DLGAP1: variants seen among roughly 807,000 people sequenced by gnomAD.
DLGAP1 encodes the protein DLG associated protein 1.
In DLGAP1, 11 loss-of-function variants were observed where a neutral mutation model predicts 90.8. That is an observed-to-expected ratio of 0.12 (90% CI 0.08 to 0.20). The LOEUF (loss-of-function observed/expected upper bound fraction) is 0.20. Among genes scored for constraint, DLGAP1 ranks in the 10% least tolerant of loss-of-function variants. The pLI is 1.00. For synonymous variants in DLGAP1, 558 were observed against 540.7 expected (o/e 1.03, Z -0.44); for missense variants, 1,050 against 1,333.8 (o/e 0.79, Z 3.31).
intron 10 of DLGAP1, among the ~76,000 whole-genome samples, chr18:3,532,332 C>T (rs971277773): frequency 1.3e-5 from 2 of 151,974 alleles, no homozygotes; most frequent in Admixed American, 6.6e-5. Context: ...GTAATCCCAG[C>T]ACTTTGGGAG....
chr18:3,741,222 T>C (rs1351711794), intron 6 of DLGAP1, among the ~76,000 whole-genome samples: 2 of 51,946 alleles, frequency 3.9e-5, no homozygotes, highest in Admixed American at 2.7e-4. Context: ...CACCACCACA[T>C]CACCATCACC....
intron 1 of DLGAP1, among the ~76,000 whole-genome samples, chr18:4,420,905 C>T (rs1055889135): frequency 6.6e-6 from 1 of 152,032 alleles, no homozygotes; most frequent in Non-Finnish European, 1.5e-5. Flanking sequence ...GATAAGGTAC[C>T]CTTAGTATCT....
At chr18:4,077,539 T>C (rs865953387) in intron 2 of DLGAP1, among the ~76,000 whole-genome samples, 11 of 152,116 alleles carry the variant, frequency 7.2e-5, no homozygotes, top group South Asian at 2.1e-4. Context: ...ACTCTATTAG[T>C]TCCTATAAGA....
intron 7 of DLGAP1, among the ~76,000 whole-genome samples, chr18:3,665,917 G>A (rs2059861474): frequency 6.6e-6 from 1 of 152,194 alleles, no homozygotes; most frequent in African/African-American, 2.4e-5. Context: ...AGATGTAGGG[G>A]CACCTTTGAT....
intron 3 of DLGAP1, among the ~76,000 whole-genome samples, chr18:3,991,208 T>A (rs2073961103): frequency 6.6e-6 from 1 of 152,166 alleles, no homozygotes; most frequent in Non-Finnish European, 1.5e-5. Flanking sequence ...TCATTTCCTG[T>A]ATCTCTAAAG....
intron 3 of DLGAP1, among the ~76,000 whole-genome samples, chr18:3,949,975 T>C (rs747668866): frequency 6.6e-6 from 1 of 152,166 alleles, no homozygotes; most frequent in Non-Finnish European, 1.5e-5. Flanking sequence ...AGGAAAAACA[T>C]TAGAATAGAT....
chr18:4,298,231 G>A (rs1156243007), intron 1 of DLGAP1, among the ~76,000 whole-genome samples: 9 of 152,010 alleles, frequency 5.9e-5, no homozygotes, highest in East Asian at 1.9e-4. Flanking sequence ...TGCATCCCCC[G>A]CGAATACTGC....
chr18:4,145,114 T>A (rs1225212094), intron 2 of DLGAP1, among the ~76,000 whole-genome samples: 1 of 152,186 alleles, frequency 6.6e-6, no homozygotes, highest in Admixed American at 6.5e-5. Context: ...CAATTAACAA[T>A]ATCACCACCC....
At chr18:4,071,766 C>A (rs1306927982) in intron 2 of DLGAP1, among the ~76,000 whole-genome samples, 1 of 152,180 alleles carries the variant, frequency 6.6e-6, no homozygotes, top group Non-Finnish European at 1.5e-5. Flanking sequence ...GTGGAAGAGA[C>A]AATGAGAGCC....
At chr18:4,321,561 C>G (rs145139324) in intron 1 of DLGAP1, among the ~76,000 whole-genome samples, 1 of 152,182 alleles carries the variant, frequency 6.6e-6, no homozygotes, top group Non-Finnish European at 1.5e-5. Context: ...TCCAACTATA[C>G]AGACAGCAAT....
chr18:3,625,709 A>C (rs1318022018), intron 7 of DLGAP1, among the ~76,000 whole-genome samples: 9 of 146,662 alleles, frequency 6.1e-5, no homozygotes, highest in Non-Finnish European at 1.5e-5. Flanking sequence ...ACATCATGTT[A>C]GTTCAGAAAG....
intron 5 of DLGAP1, among the ~76,000 whole-genome samples, chr18:3,754,075 A>T (rs748069572): frequency 6.6e-5 from 10 of 152,196 alleles, no homozygotes; most frequent in South Asian, 2.1e-4. Context: ...ATCATGGCTC[A>T]CTGCAGCCTT....
At chr18:3,720,536 G>C (rs12956193) in intron 7 of DLGAP1, among the ~76,000 whole-genome samples, 1 of 152,150 alleles carries the variant, frequency 6.6e-6, no homozygotes, top group South Asian at 2.1e-4. Flanking sequence ...GTGGCAGTAG[G>C]TGTAGACAGA....
chr18:3,728,886 C>G (rs2147454553), intron 7 of DLGAP1, among the ~76,000 whole-genome samples: 1 of 152,270 alleles, frequency 6.6e-6, no homozygotes, highest in South Asian at 2.1e-4. Context: ...GCTGTGCTGT[C>G]CCTCCCTCAT....
chr18:3,737,873 C>T (rs1352418106), intron 6 of DLGAP1, among the ~76,000 whole-genome samples: 1 of 149,652 alleles, frequency 6.7e-6, no homozygotes, highest in East Asian at 2.0e-4. Context: ...ATCTAGAAAA[C>T]CCCATTGTCT....
chr18:4,277,718 G>A (rs575188325), intron 1 of DLGAP1, among the ~76,000 whole-genome samples: 3 of 152,148 alleles, frequency 2.0e-5, no homozygotes, highest in East Asian at 1.9e-4. Context: ...TACTGCAGCC[G>A]AGACAGTTTC....
At chr18:4,257,245 C>T (rs1167841846) in intron 1 of DLGAP1, among the ~76,000 whole-genome samples, 1 of 152,034 alleles carries the variant, frequency 6.6e-6, no homozygotes, top group Non-Finnish European at 1.5e-5. Context: ...GTGAAATGTC[C>T]AAATGGCATG....
At chr18:3,502,010 A>G in intron 12 of DLGAP1, 1 of 318,380 alleles carries the variant, frequency 3.1e-6, no homozygotes, top group Non-Finnish European at 4.5e-6. Context: ...TATGGTATAT[A>G]TTTTTAGACT....
chr18:3,561,062 A>G (rs1447310606), intron 9 of DLGAP1, among the ~76,000 whole-genome samples: 1 of 150,718 alleles, frequency 6.6e-6, no homozygotes, highest in Non-Finnish European at 1.5e-5. Context: ...ATGTACATGT[A>G]TTTAAATACA....
Sources: gnomAD v4.1 joint callset for allele counts (sites outside exome capture counted in the v4.1 genomes callset) on GRCh38, gnomAD v4.1.1 for gene constraint, MANE v1.5 for transcripts, NCBI Gene and HGNC (gene_info 2026-07-23, HGNC 2026-07-21) for gene names.